HAMP: variants seen among roughly 807,000 people sequenced by gnomAD.
HAMP encodes hepcidin.
In HAMP, 5 loss-of-function variants were observed where a neutral mutation model predicts 7.8. The ratio of observed to expected loss-of-function variants is 0.64; its 90% CI spans 0.33 to 1.34. The LOEUF (loss-of-function observed/expected upper bound fraction) is 1.34, where lower values mean the gene tolerates loss of function less well. HAMP is among the 40% of genes most tolerant of loss of function. The probability of loss-of-function intolerance (pLI) is 0.05; values close to 1 mark genes in which losing one functional copy is unlikely to be tolerated. For synonymous variants in HAMP, 52 were observed against 38.6 expected, an observed-to-expected ratio of 1.35 and a Z score of -1.28; for missense variants, 105 against 104.1, an observed-to-expected ratio of 1.01 and a Z score of -0.04.
rs104894696 is a variant in HAMP, at chr19:35,284,999, G to A, written c.212G>A (p.Gly71Asp). 2.6e-3 allele frequency: 4,227 copies of A among 1,614,026 alleles called. 5 individuals are homozygous for A. Among genetic ancestry groups the A allele is most frequent in the Non-Finnish European group, 3.2e-3 (3,826 of 1,179,872 alleles). ...TTCCCCATCTGCATTTTCTGCTGCG[G>A]CTGCTGTCATCGATCAAAGTGTGGG... Reference protein sequence around the residue: ...THFPICIFCCGCCHRSKCGMC... With the variant: ...THFPICIFCCDCCHRSKCGMC... Residue 71 changes from glycine to aspartate, a missense_variant, in exon 3 of 3, where the codon GGC becomes GAC. Physicochemically the swap from Gly to Asp is moderately conservative, Grantham distance 94. Transcript: ENST00000222304.
chr19:35,282,749 C>A, intron 1 of HAMP, 82 bp downstream of exon 1: 1 of 1,083,860 alleles, frequency 9.2e-7, no homozygotes, highest in South Asian at 1.2e-5. Context: ...TGGAGACACC[C>A]GAGCACTGAG....
intron 1 of HAMP, 130 bp downstream of exon 1, chr19:35,282,797 C>G (rs1446872510): frequency 2.3e-5 from 18 of 779,100 alleles, no homozygotes; most frequent in Non-Finnish European, 3.2e-5. Context: ...GGCAGCTGAA[C>G]AGGAACCAGG....
rs2066316970 is a variant in HAMP at position 35,284,472 on chromosome 19, T to A, written c.91-317T>A. On this transcript the variant is annotated intron_variant, in intron 1 of 2. Transcript: ENST00000222304. Reference sequence around the variant, plus strand: ...AAACAAACAAAAAAAGTGACTCTGCTGTGTGGCAAATGGATTGAGGGGCAA... The same window carrying A: ...AAACAAACAAAAAAAGTGACTCTGCAGTGTGGCAAATGGATTGAGGGGCAA... The A allele has an allele frequency of 2.0e-5, 10 of 499,052 alleles. No homozygotes were observed. The South Asian group carries it at 2.2e-4, about 11-fold the overall frequency. The allele number at this position is 499,052 out of a possible 1,614,324, so 30.9% of individuals were successfully genotyped here.
chr19:35,284,983 T>C lies in HAMP; in HGVS notation c.196T>C (p.Cys66Arg), dbSNP rs1449768445. The C allele has an allele frequency of 1.9e-6, 3 of 1,613,970 alleles. No individual in the cohort carries two copies. Among genetic ancestry groups the C allele is most frequent in the Non-Finnish European group, 1.7e-6 (2 of 1,179,948 alleles). Residue 66 changes from cysteine (C) to arginine (R), a missense_variant, in exon 3 of 3, where the codon TGC becomes CGC. Cys to Arg is a radical substitution (Grantham distance 180). Transcript: ENST00000222304. The stretch of plus-strand genomic sequence containing the variant: ...GAGGCGAGACACCCACTTCCCCATC[T>C]GCATTTTCTGCTGCGGCTGCTGTCA... ...RRRRDTHFPI[C>R]IFCCGCCHRS...
In HAMP at chr19:35,282,632, G is replaced by T. The variant is rs1455648731; in HGVS notation, c.55G>T (p.Ala19Ser). ...TTGCCTCCTGCTCCTCCTCCTCCTCGCCAGCCTGACCAGTGGCTCTGTTTT... is the reference window on the plus strand; with the variant it reads ...TTGCCTCCTGCTCCTCCTCCTCCTCTCCAGCCTGACCAGTGGCTCTGTTTT... ...AACLLLLLLL[A>S]SLTSGSVFPQ... Residue 19 changes from alanine (A) to serine (S), a missense_variant, in exon 1 of 3, where the codon GCC becomes TCC. Ala to Ser is a moderately conservative substitution (Grantham distance 99). Coordinates refer to ENST00000222304, the MANE Select transcript of HAMP (RefSeq NM_021175.4). 1 of 1,613,906 alleles carries T rather than the reference G, an allele frequency of 6.2e-7. No homozygotes were observed. Among genetic ancestry groups the T allele is most frequent in the African/African-American group, 1.3e-5 (1 of 74,924 alleles).
At chr19:35,284,115 G>A (rs2145593104) in intron 1 of HAMP, 1 of 153,502 alleles carries the variant, frequency 6.5e-6, no homozygotes, top group Non-Finnish European at 1.4e-5. Flanking sequence ...TTTTAAAATG[G>A]AGAAAACCAC....
intron 1 of HAMP, chr19:35,284,302 G>A (rs985676324): frequency 1.7e-4 from 30 of 181,084 alleles, no homozygotes; most frequent in African/African-American, 5.7e-4. Context: ...AAAATTAGCC[G>A]GGTGTGGTGG....
At chr19:35,282,866 C>T in intron 1 of HAMP, 199 bp downstream of exon 1, 1 of 582,118 alleles carries the variant, frequency 1.7e-6, no homozygotes, top group Non-Finnish European at 3.1e-6. Flanking sequence ...GGCAGGCAGC[C>T]CACTTGAGGT....
At position 35,282,640 on chromosome 19, in the gene HAMP, G is replaced by C. The variant is rs1410171516; in HGVS notation, c.63G>C (p.Leu21=). The C allele has an allele frequency of 4.3e-6, 7 of 1,614,118 alleles. No homozygotes were observed. Among genetic ancestry groups the C allele is most frequent in the Non-Finnish European group, 5.9e-6 (7 of 1,179,974 alleles). The change falls in exon 1 of 3, where the codon CTG becomes CTC. Residue 21 remains leucine (L), a synonymous_variant. Coordinates refer to ENST00000222304, the MANE Select transcript of HAMP (RefSeq NM_021175.4). ...CLLLLLLLAS[L]TSGSVFPQQT... Reference sequence around the variant, plus strand: ...TGCTCCTCCTCCTCCTCGCCAGCCTGACCAGTGGCTCTGTTTTCCCACAAC... The same window carrying C: ...TGCTCCTCCTCCTCCTCGCCAGCCTCACCAGTGGCTCTGTTTTCCCACAAC...
chr19:35,282,796 A>G, intron 1 of HAMP, 129 bp downstream of exon 1: 1 of 791,472 alleles, frequency 1.3e-6, no homozygotes, highest in Non-Finnish European at 2.2e-6. Context: ...TGGCAGCTGA[A>G]CAGGAACCAG....
chr19:35,283,071 G>T, intron 1 of HAMP: 1 of 288,234 alleles, frequency 3.5e-6, no homozygotes, highest in South Asian at 3.5e-5. Flanking sequence ...TGGCAACAGA[G>T]CAAGACTCCA....
intron 1 of HAMP, chr19:35,283,029 G>C: frequency 3.0e-6 from 1 of 330,432 alleles, no homozygotes; most frequent in Non-Finnish European, 6.0e-6. Context: ...AGGTTGCACA[G>C]TGAGCTGAGA....
Position 35,285,138 on chromosome 19 carries a change from T to A in HAMP, c.*96T>A. 1.2e-6 allele frequency: 1 copy of A among 841,008 alleles called. No homozygotes were observed. Among genetic ancestry groups the A allele is most frequent in the Non-Finnish European group, 2.1e-6 (1 of 485,210 alleles). The allele number at this position is 841,008 out of a possible 1,614,324, so 52.1% of individuals were successfully genotyped here. A position where few individuals can be genotyped will look rare whatever the true frequency, so the allele number is the denominator to read the frequency against. ...AATAAAATGGCTGGTTCTTTTGTTT[T>A]CCAAACCAGAGTGTCTGTTGTCCTT... On this transcript the variant is annotated 3_prime_UTR_variant, in exon 3 of 3. Transcript: ENST00000222304.
intron 1 of HAMP, 88 bp from the exon 2 acceptor site, chr19:35,284,701 C>T (rs917152450): frequency 4.1e-6 from 4 of 987,370 alleles, no homozygotes; most frequent in Non-Finnish European, 6.6e-6. Flanking sequence ...GGGTTTAAAC[C>T]ACTTGGAGAG....
At chr19:35,283,893 C>G (rs930968472) in intron 1 of HAMP, 4 of 151,728 alleles carry the variant, frequency 2.6e-5, no homozygotes, top group Non-Finnish European at 4.4e-5. Context: ...CTCCCGGGTT[C>G]AAGCAATTCT....
rs771075802 is a variant in HAMP, at chr19:35,284,982, C to T, written c.195C>T (p.Ile65=). The T allele has an allele frequency of 1.2e-6, 2 of 1,614,078 alleles. No individual in the cohort carries two copies. Among genetic ancestry groups the T allele is most frequent in the South Asian group, 1.1e-5 (1 of 91,080 alleles). Residue 65 remains isoleucine (I), a synonymous_variant, in exon 3 of 3, where the codon ATC becomes ATT. Coordinates refer to ENST00000222304, the MANE Select transcript of HAMP (RefSeq NM_021175.4). ...RRRRRDTHFP[I]CIFCCGCCHR... ...GGAGGCGAGACACCCACTTCCCCAT[C>T]TGCATTTTCTGCTGCGGCTGCTGTC...
In HAMP at chr19:35,284,993, G is replaced by T; in HGVS notation, c.206G>T (p.Cys69Phe). Residue 69 changes from cysteine (C) to phenylalanine (F), a missense_variant, in exon 3 of 3, where the codon TGC becomes TTC. Coordinates refer to ENST00000222304, the MANE Select transcript of HAMP (RefSeq NM_021175.4). ...ACCCACTTCCCCATCTGCATTTTCT[G>T]CTGCGGCTGCTGTCATCGATCAAAG... is the stretch of plus-strand genomic sequence containing the variant. ...RDTHFPICIF[C>F]CGCCHRSKCG... 1 of 1,614,058 alleles carries T rather than the reference G, an allele frequency of 6.2e-7. No individual in the cohort carries two copies. The highest frequency in any genetic ancestry group is 8.5e-7 in the Non-Finnish European group (1 of 1,179,918).
At chr19:35,284,604 AG>A in intron 1 of HAMP, 184 bp from the exon 2 acceptor site, 1 of 591,118 alleles carries the variant, frequency 1.7e-6, no homozygotes, top group Non-Finnish European at 3.0e-6. Flanking sequence ...CGGATCTGGG[AG>A]GTTTTTTTTT....
rs1226362288 is a variant in HAMP at position 35,283,196 on chromosome 19, GGGAC to G, written c.90+531_90+534del. The stretch of plus-strand genomic sequence containing the variant: ...GTGTGGAGTCTTATTCTAGACAGTG[GGGAC>G]GAGGCCATGAACAAGGTAGATGAGA... On this transcript the variant is annotated intron_variant, in intron 1 of 2. Coordinates refer to ENST00000222304, the MANE Select transcript of HAMP (RefSeq NM_021175.4). The G allele has an allele frequency of 1.1e-5, 2 of 184,166 alleles. 1 individual carries two copies. The highest frequency in any genetic ancestry group is 1.1e-4 in the Admixed American group (2 of 18,716). 11.4% of individuals were successfully genotyped at this position (184,166 alleles called of 1,614,324 possible).
Sources: gnomAD v4.1 joint callset for allele counts on GRCh38, gnomAD v4.1.1 for gene constraint, MANE v1.5 for transcripts, NCBI Gene and HGNC (gene_info 2026-07-23, HGNC 2026-07-21) for gene names.